SLC14A2: variants seen among roughly 807,000 people sequenced by gnomAD.
SLC14A2 encodes the protein urea transporter 2.
SLC14A2 carries 91 observed loss-of-function variants against 104.6 expected under a neutral mutation model. That is an observed-to-expected ratio of 0.87 (90% CI 0.73 to 1.04). SLC14A2 has a LOEUF of 1.04. SLC14A2 is among the 50% of genes least tolerant of loss of function. The pLI is 0.00. For missense variants in SLC14A2, 1,189 were observed against 1,156.0 expected, an observed-to-expected ratio of 1.03 and a Z score of -0.41; for synonymous variants, 476 against 466.4, an observed-to-expected ratio of 1.02 and a Z score of -0.27.
chr18:45,370,141 T>C (rs2085707434), intron 1 of SLC14A2, among the ~76,000 whole-genome samples: 1 of 152,104 alleles, frequency 6.6e-6, no homozygotes. Flanking sequence ...GCAACCCTAC[T>C]AGAAAACACA....
At chr18:45,483,096 T>C (rs1056355098) in intron 1 of SLC14A2, 8 of 152,202 alleles carry the variant, frequency 5.3e-5, no homozygotes, top group Non-Finnish European at 1.2e-4. Flanking sequence ...ATGTCCTGTT[T>C]CCTTATTTTT....
rs554836523 is a variant in SLC14A2 at position 45,436,220 on chromosome 18, A to G, written c.-124-47013A>G. ...TTACGTTGTTTATGTTAAAAAGAAC[A>G]GTCTGTTTTCAAATAGGTTAGAGGC... On this transcript the variant is annotated intron_variant, in intron 1 of 20. Coordinates refer to the SLC14A2 transcript ENST00000586448. Among the ~76,000 whole-genome samples, 3 of 152,378 alleles carry G rather than the reference A, an allele frequency of 2.0e-5. No individual in the cohort carries two copies. The East Asian group carries it at 5.8e-4, about 29-fold the overall frequency.
chr18:45,375,693 A>G (rs2085766799), intron 1 of SLC14A2, among the ~76,000 whole-genome samples: 1 of 152,212 alleles, frequency 6.6e-6, no homozygotes, highest in South Asian at 2.1e-4. Context: ...AGGTGAACCC[A>G]TTGGACAGTT....
At chr18:45,437,680 T>C (rs1274554285) in intron 1 of SLC14A2, among the ~76,000 whole-genome samples, 1 of 152,230 alleles carries the variant, frequency 6.6e-6, no homozygotes, top group Non-Finnish European at 1.5e-5. Flanking sequence ...TACTATGCAC[T>C]GCCTAAGCTC....
rs12963357 is a variant in SLC14A2, at chr18:45,672,088, C to T, written c.2230-812C>T. Among the ~76,000 whole-genome samples the T allele has an allele frequency of 8.9e-3, 1,348 of 152,314 alleles. 5 individuals carry two copies. The highest frequency in any genetic ancestry group is 0.014 in the Admixed American group (218 of 15,306). ...AAATAGCAGATGCTGGGCGATACTA[C>T]CTTCTCCTGGCCGCTCCTGTAGATA... On this transcript the variant is annotated intron_variant, in intron 16 of 19. Transcript: ENST00000255226.
At chr18:45,284,070 A>G (rs770985678) in intron 1 of SLC14A2, among the ~76,000 whole-genome samples, 2 of 152,226 alleles carry the variant, frequency 1.3e-5, no homozygotes, top group African/African-American at 2.4e-5. Context: ...TATTGCATGA[A>G]CTTTTATTTT....
chr18:45,678,970 T>TTTTTTC lies in SLC14A2; in HGVS notation c.2513-5_2513-4insTTTTTC. The TTTTTTC allele has an allele frequency of 6.2e-7, 1 of 1,600,272 alleles. No homozygotes were observed. Among genetic ancestry groups the TTTTTTC allele is most frequent in the Non-Finnish European group, 8.5e-7 (1 of 1,177,388 alleles). On this transcript the variant is annotated splice_region_variant and splice_polypyrimidine_tract_variant and intron_variant, in intron 18 of 19. Transcript: ENST00000255226. ...TATTTCTTTCTTTTTTTTTTTTTTT[T>TTTTTTC]CTAGCACTGTTTGCTGCCTACCTGG...
At chr18:45,282,287 G>T (rs2144144904) in intron 1 of SLC14A2, among the ~76,000 whole-genome samples, 1 of 152,234 alleles carries the variant, frequency 6.6e-6, no homozygotes, top group Non-Finnish European at 1.5e-5. Context: ...AGCAGCTGGG[G>T]TGCTTTAGTT....
chr18:45,586,564 G>A (rs1029126002), intron 2 of SLC14A2, among the ~76,000 whole-genome samples: 8 of 152,208 alleles, frequency 5.3e-5, no homozygotes, highest in African/African-American at 1.9e-4. Flanking sequence ...AAGAGTGGAG[G>A]CAGAATGGCA....
the SLC14A2 span, among the ~76,000 whole-genome samples, chr18:45,193,755 T>C: frequency 6.6e-6 from 1 of 152,188 alleles, no homozygotes; most frequent in African/African-American, 2.4e-5. Flanking sequence ...CAAAAATTTC[T>C]AGTGGGATTT....
At chr18:45,271,703 T>G (rs1273180383) in intron 1 of SLC14A2, among the ~76,000 whole-genome samples, 1 of 152,118 alleles carries the variant, frequency 6.6e-6, no homozygotes, top group Admixed American at 6.6e-5. Context: ...AGAATCAATA[T>G]TGTTAAAATG....
chr18:45,251,816 G>C (rs961344569), intron 1 of SLC14A2, among the ~76,000 whole-genome samples: 8 of 152,168 alleles, frequency 5.3e-5, no homozygotes, highest in African/African-American at 1.9e-4. Flanking sequence ...AGGTCCTGGG[G>C]TAAGGCTTCA....
At chr18:45,670,700 A>T (rs1314508442) in intron 16 of SLC14A2, among the ~76,000 whole-genome samples, 1 of 152,056 alleles carries the variant, frequency 6.6e-6, no homozygotes, top group Non-Finnish European at 1.5e-5. Context: ...TCATTCTGTC[A>T]CCCCGGCTGG....
At chr18:45,515,261 T>C (rs2043421894) in intron 2 of SLC14A2, among the ~76,000 whole-genome samples, 1 of 152,252 alleles carries the variant, frequency 6.6e-6, no homozygotes, top group Non-Finnish European at 1.5e-5. Context: ...AACTGCTTTG[T>C]CATATTGACT....
intron 2 of SLC14A2, among the ~76,000 whole-genome samples, chr18:45,605,669 G>C (rs986264797): frequency 1.3e-5 from 2 of 152,160 alleles, no homozygotes; most frequent in African/African-American, 2.4e-5. Context: ...AATTAAACTT[G>C]ACCAAGGTTA....
chr18:45,516,222 T>A (rs2144798649), intron 2 of SLC14A2, among the ~76,000 whole-genome samples: 1 of 152,306 alleles, frequency 6.6e-6, no homozygotes, highest in East Asian at 1.9e-4. Context: ...TCACTACTGT[T>A]TCCCTTCCTT....
intron 1 of SLC14A2, among the ~76,000 whole-genome samples, chr18:45,287,823 T>C (rs1304508195): frequency 3.3e-5 from 5 of 152,136 alleles, no homozygotes; most frequent in African/African-American, 9.7e-5. Context: ...CCTCTGCTGA[T>C]ACCAGCGGCT....
chr18:45,568,402 G>A (rs995619023), intron 2 of SLC14A2, among the ~76,000 whole-genome samples: 2 of 152,220 alleles, frequency 1.3e-5, no homozygotes, highest in African/African-American at 2.4e-5. Context: ...TTCAGGGGAC[G>A]TGCTGTCTAG....
chr18:45,188,703 C>A, the SLC14A2 span, among the ~76,000 whole-genome samples: 1 of 152,168 alleles, frequency 6.6e-6, no homozygotes, highest in African/African-American at 2.4e-5. Context: ...TGCCTTGTCC[C>A]TCCCAGACTT....
Sources: gnomAD v4.1 joint callset for allele counts (sites outside exome capture counted in the v4.1 genomes callset) on GRCh38, gnomAD v4.1.1 for gene constraint, MANE v1.5 for transcripts, NCBI Gene and HGNC (gene_info 2026-07-23, HGNC 2026-07-21) for gene names.